The following CYTH2 variants were observed in gnomAD, a reference collection of about 807,000 sequenced individuals.
CYTH2 encodes the protein cytohesin 2, also known as cytohesin-2.
A neutral mutation model predicts 55.4 loss-of-function variants in CYTH2; 24 were observed. The ratio of observed to expected loss-of-function variants is 0.43; its 90% CI spans 0.31 to 0.61. The LOEUF (loss-of-function observed/expected upper bound fraction) is 0.61, where lower values mean the gene tolerates loss of function less well. Ranked by LOEUF, CYTH2 falls within the 20% of genes least tolerant of loss-of-function variation. The probability of loss-of-function intolerance (pLI) is 0.08; values close to 1 mark genes in which losing one functional copy is unlikely to be tolerated. For synonymous variants in CYTH2, 221 were observed against 209.6 expected, an observed-to-expected ratio of 1.05 and a Z score of -0.47; for missense variants, 378 against 533.5, an observed-to-expected ratio of 0.71 and a Z score of 2.87.
At chr19:48,475,277 T>G (rs898535481) in intron 8 of CYTH2, 2 of 299,816 alleles carry the variant, frequency 6.7e-6, no homozygotes, top group African/African-American at 4.4e-5. Flanking sequence ...TCACTCAGGC[T>G]TCTTTCCACT....
At position 48,478,263 on chromosome 19, in the gene CYTH2, T is replaced by G. The variant is rs1229117692; in HGVS notation, c.886-12T>G. On this transcript the variant is annotated splice_polypyrimidine_tract_variant and intron_variant, in intron 9 of 11. Transcript: ENST00000452733. ...CTTGGAAGTCTGAGTTCTGTCCACCTTGCTTCTTCAGGACAAGGAGCCCCG... is the reference window on the plus strand; with the variant it reads ...CTTGGAAGTCTGAGTTCTGTCCACCGTGCTTCTTCAGGACAAGGAGCCCCG... 1 of 1,612,734 alleles carries G rather than the reference T, an allele frequency of 6.2e-7. No individual in the cohort carries two copies. Among genetic ancestry groups the G allele is most frequent in the South Asian group, 1.1e-5 (1 of 91,010 alleles).
Position 48,474,056 on chromosome 19 carries a change from CTG to C in CYTH2, c.547+40_547+41del. 1 of 1,573,170 alleles carries C rather than the reference CTG, an allele frequency of 6.4e-7. No homozygotes were observed. Among genetic ancestry groups the C allele is most frequent in the Non-Finnish European group, 8.6e-7 (1 of 1,160,244 alleles). On this transcript the variant is annotated intron_variant, in intron 6 of 11. Coordinates refer to ENST00000452733, the MANE Select transcript of CYTH2 (RefSeq NM_004228.7). This position sits in a 1 kb window ranked among gnomAD's most constrained non-coding sequence, Gnocchi z 4.9. ...ATCCTGGGTCCTGGGAAAGAGGAGACTGGGGCCCAGACTCCTAGGTCTGAGGG... is the reference window on the plus strand; with the variant it reads ...ATCCTGGGTCCTGGGAAAGAGGAGACGGGCCCAGACTCCTAGGTCTGAGGG...
At chr19:48,473,209 A>AG (rs1181149796) in intron 4 of CYTH2, 89 bp from the exon 5 acceptor site, 1 of 1,408,780 alleles carries the variant, frequency 7.1e-7, no homozygotes, top group Middle Eastern at 2.0e-4. Flanking sequence ...GGTGCAGTAG[A>AG]GGGGGCACGA....
At position 48,477,801 on chromosome 19, in the gene CYTH2, G is replaced by A. The variant is rs190368013; in HGVS notation, c.809-268G>A. On this transcript the variant is annotated intron_variant, in intron 8 of 11. Coordinates refer to ENST00000452733, the MANE Select transcript of CYTH2 (RefSeq NM_004228.7). ...TGGCGCCCTGGCGCCCTGGCCTCCT[G>A]CCCACAGGAGGAGGGGGCTGGGGGC... 1.5e-4 allele frequency: 75 copies of A among 495,552 alleles called. No individual in the cohort carries two copies. In the East Asian group the frequency reaches 2.0e-3, roughly 13 times the overall value. The allele number at this position is 495,552 out of a possible 1,614,324, so 30.7% of individuals were successfully genotyped here.
chr19:48,469,584 T>C, intron 1 of CYTH2, 58 bp downstream of exon 1: 1 of 1,323,182 alleles, frequency 7.6e-7, no homozygotes, highest in Non-Finnish European at 9.7e-7. Flanking sequence ...CTCCTGAACG[T>C]TCCGCCGCGA....
At chr19:48,473,451 C>T (rs1376049809) in intron 5 of CYTH2, 73 bp downstream of exon 5, 2 of 1,486,424 alleles carry the variant, frequency 1.3e-6, no homozygotes, top group African/African-American at 1.4e-5. Flanking sequence ...AGTGACAAAC[C>T]TTACTCAAGA....
At chr19:48,473,759 A>G in intron 5 of CYTH2, 146 bp from the exon 6 acceptor site, 1 of 660,478 alleles carries the variant, frequency 1.5e-6, no homozygotes, top group South Asian at 2.0e-5. Context: ...CCCATTGGTG[A>G]GACTGGATCA....
In CYTH2 at chr19:48,474,804, G is replaced by A; in HGVS notation, c.697-34G>A. ...TGAGTAACCCTGGGGGGCCCCAGGG[G>A]GCTCGAATGGCTAATGCAGCCTTTA... is the stretch of plus-strand genomic sequence containing the variant. On this transcript the variant is annotated intron_variant, in intron 7 of 11. Coordinates refer to ENST00000452733, the MANE Select transcript of CYTH2 (RefSeq NM_004228.7). The surrounding 1 kb of genome is among the most constrained non-coding windows in gnomAD (Gnocchi z 4.9). The A allele has an allele frequency of 6.2e-7, 1 of 1,610,386 alleles. No homozygotes were observed. Among genetic ancestry groups the A allele is most frequent in the Non-Finnish European group, 8.5e-7 (1 of 1,177,080 alleles).
rs532302251 is a variant in CYTH2 at position 48,473,332 on chromosome 19, G to C, written c.388G>C (p.Val130Leu). Residue 130 changes from valine (V) to leucine (L), a missense_variant, in exon 5 of 12, where the codon GTG (valine) becomes CTG (leucine). Coordinates refer to ENST00000452733, the MANE Select transcript of CYTH2 (RefSeq NM_004228.7). ...ELNLAVLHAF[V>L]DLHEFTDLNL... ...GAACCTGGCAGTGCTCCATGCTTTT[G>C]TGGATCTGCATGAGTTCACCGACCT... 3 of 1,614,128 alleles carry C rather than the reference G, an allele frequency of 1.9e-6. No homozygotes were observed. The highest frequency in any genetic ancestry group is 2.7e-5 in the African/African-American group (2 of 75,038).
Position 48,474,459 on chromosome 19 carries a change from G to T in CYTH2, c.696+129G>T. On this transcript the variant is annotated intron_variant, in intron 7 of 11. Transcript: ENST00000452733. The surrounding 1 kb of genome is among the most constrained non-coding windows in gnomAD (Gnocchi z 4.9). ...CAAGATGGTGCGATCATGCCAACTCGTGTGTGATCTTTTTCTCTCTCTCTG... is the reference window on the plus strand; with the variant it reads ...CAAGATGGTGCGATCATGCCAACTCTTGTGTGATCTTTTTCTCTCTCTCTG... 2 of 987,326 alleles carry T rather than the reference G, an allele frequency of 2.0e-6. No individual in the cohort carries two copies. The highest frequency in any genetic ancestry group is 1.8e-5 in the South Asian group (1 of 57,074). The allele number at this position is 987,326 out of a possible 1,614,324, so 61.2% of individuals were successfully genotyped here.
chr19:48,472,250 A>G (rs556404686), intron 3 of CYTH2, 75 bp from the exon 4 acceptor site: 89 of 1,363,344 alleles, frequency 6.5e-5, no homozygotes, highest in Admixed American at 1.0e-4. Context: ...GTAGGTCTGG[A>G]TGCTGAGGTT....
chr19:48,474,051 G>A lies in CYTH2; in HGVS notation c.547+34G>A. 1 of 1,577,442 alleles carries A rather than the reference G, an allele frequency of 6.3e-7. No homozygotes were observed. The highest frequency in any genetic ancestry group is 8.6e-7 in the Non-Finnish European group (1 of 1,162,500). The stretch of plus-strand genomic sequence containing the variant: ...CCCAAATCCTGGGTCCTGGGAAAGA[G>A]GAGACTGGGGCCCAGACTCCTAGGT... On this transcript the variant is annotated intron_variant, in intron 6 of 11. Coordinates refer to ENST00000452733, the MANE Select transcript of CYTH2 (RefSeq NM_004228.7). The surrounding 1 kb of genome is among the most constrained non-coding windows in gnomAD (Gnocchi z 4.9).
intron 8 of CYTH2, chr19:48,477,123 A>G (rs1971930535): frequency 6.6e-6 from 1 of 152,266 alleles, no homozygotes; most frequent in Non-Finnish European, 1.5e-5. Flanking sequence ...TCTTACTGTC[A>G]TTGTTTAACC....
intron 11 of CYTH2, 147 bp downstream of exon 11, chr19:48,478,739 G>A: frequency 4.1e-6 from 4 of 964,750 alleles, no homozygotes; most frequent in African/African-American, 1.8e-5. Context: ...GGAGGGGCTG[G>A]GGCCTGGACT....
At chr19:48,473,516 G>A in intron 5 of CYTH2, 138 bp downstream of exon 5, 4 of 848,200 alleles carry the variant, frequency 4.7e-6, no homozygotes, top group Non-Finnish European at 7.5e-6. Context: ...AGTGTGTCCT[G>A]CACCATAAAA....
rs910960235 is a variant in CYTH2, at chr19:48,481,438, C to T, written c.*2228C>T. The T allele has an allele frequency of 1.2e-5, 2 of 164,172 alleles. No individual in the cohort carries two copies. Among genetic ancestry groups the T allele is most frequent in the African/African-American group, 2.4e-5 (1 of 41,504 alleles). 10.2% of individuals were successfully genotyped at this position (164,172 alleles called of 1,614,324 possible). A position where few individuals can be genotyped will look rare whatever the true frequency, so the allele number is the denominator to read the frequency against. On this transcript the variant is annotated 3_prime_UTR_variant, in exon 12 of 12. Transcript: ENST00000452733. ...GACCTGAGGATTTTGCGTCCGGCTC[C>T]CTCCTCGCCCAGGACCCCCAAGCTC...
At chr19:48,469,920 C>T (rs1385646255) in intron 1 of CYTH2, 1 of 566,748 alleles carries the variant, frequency 1.8e-6, no homozygotes, top group African/African-American at 1.9e-5. Flanking sequence ...CCCAACTCTC[C>T]TGAGCTGTCA....
intron 1 of CYTH2, 39 bp from the exon 2 acceptor site, chr19:48,470,314 C>T (rs1293456497): frequency 6.4e-7 from 1 of 1,573,902 alleles, no homozygotes; most frequent in Non-Finnish European, 8.6e-7. Context: ...GGCTCACGGC[C>T]CCTAGCACTG....
At position 48,479,422 on chromosome 19, in the gene CYTH2, A is replaced by G; in HGVS notation, c.*212A>G. 1.8e-6 allele frequency: 1 copy of G among 556,404 alleles called. No individual in the cohort carries two copies. Among genetic ancestry groups the G allele is most frequent in the Admixed American group, 3.1e-5 (1 of 32,254 alleles). The allele number at this position is 556,404 out of a possible 1,614,324, so 34.5% of individuals were successfully genotyped here. On this transcript the variant is annotated 3_prime_UTR_variant, in exon 12 of 12. Transcript: ENST00000452733. ...CCCCCTCATTTCTTGGGGTTGACAG[A>G]GTCGAGGTGCTCCGTGGAGCCAGCC...
Sources: gnomAD v4.1 joint callset for allele counts on GRCh38, gnomAD v4.1.1 for gene constraint, Gnocchi (gnomAD v3.1) non-coding constraint, MANE v1.5 for transcripts, NCBI Gene and HGNC (gene_info 2026-07-23, HGNC 2026-07-21) for gene names.